The following RABGAP1 variants were observed in gnomAD, a reference collection of about 807,000 sequenced individuals.
The protein encoded by RABGAP1 is rab GTPase-activating protein 1.
RABGAP1 carries 23 observed loss-of-function variants against 137.6 expected under a neutral mutation model. The observed-to-expected ratio is 0.17, with a 90% CI of 0.12 to 0.24. The LOEUF is 0.24. Ranked by LOEUF, RABGAP1 falls within the 10% of genes least tolerant of loss-of-function variation. The pLI is 1.00. For missense variants in RABGAP1, 906 were observed against 1,275.8 expected, an observed-to-expected ratio of 0.71 and a Z score of 4.42; for synonymous variants, 451 against 450.7, an observed-to-expected ratio of 1.00 and a Z score of -0.01.
chr9:123,099,178 G>A (rs762728255), intron 23 of RABGAP1, among the ~76,000 whole-genome samples: 1 of 152,112 alleles, frequency 6.6e-6, no homozygotes, highest in Non-Finnish European at 1.5e-5. Context: ...ATAACAGAAT[G>A]GTCTTGTTCC....
At chr9:123,045,265 C>T (rs745753298) in intron 13 of RABGAP1, among the ~76,000 whole-genome samples, 2 of 152,046 alleles carry the variant, frequency 1.3e-5, no homozygotes, top group South Asian at 2.1e-4. Context: ...TCCAGAAAAA[C>T]GGAGGAAACC....
At position 122,967,735 on chromosome 9, in the gene RABGAP1, T is replaced by TC. The variant is rs397713994; in HGVS notation, c.150+10528dup. On this transcript the variant is annotated intron_variant, in intron 2 of 25. Coordinates refer to ENST00000373647, the MANE Select transcript of RABGAP1 (RefSeq NM_012197.4). Reference sequence around the variant, plus strand: ...TTTTGCTGTCTCATATGTCTTTTTTTCCTGAAAAAAATTTTTTTTTTTTTA... The same window carrying TC: ...TTTTGCTGTCTCATATGTCTTTTTTTCCCTGAAAAAAATTTTTTTTTTTTTA... Among the ~76,000 whole-genome samples, 481 of 151,234 alleles carry TC rather than the reference T, an allele frequency of 3.2e-3. 1 individual carries two copies. The highest frequency in any genetic ancestry group is 3.6e-3 in the Non-Finnish European group (246 of 67,770).
chr9:123,047,604 A>G (rs1050815672), intron 13 of RABGAP1, among the ~76,000 whole-genome samples: 3 of 152,078 alleles, frequency 2.0e-5, no homozygotes, highest in Admixed American at 6.6e-5. Context: ...TTGTTTTTTG[A>G]TACTTATTAA....
Position 123,073,599 on chromosome 9 carries a change from C to G in RABGAP1, c.2031C>G (p.Asp677Glu). ...GTGTTCTGGTCAAGATCATGTTTGA[C>G]TATGGGCTCAGGGAACTTTTCAAGC... Reference protein sequence around the residue: ...AFSVLVKIMFDYGLRELFKQN... With the variant: ...AFSVLVKIMFEYGLRELFKQN... Residue 677 changes from aspartate to glutamate, a missense_variant, in exon 16 of 26, where the codon GAC (aspartate) becomes GAG (glutamate). By Grantham distance (45) the Asp-to-Glu change is conservative. Around this residue, in one of 9 missense-constraint regions of RABGAP1, gnomAD observed 30 missense variants for 105.8 expected, o/e 0.28. Coordinates refer to ENST00000373647, the MANE Select transcript of RABGAP1 (RefSeq NM_012197.4). 1 of 1,613,870 alleles carries G rather than the reference C, an allele frequency of 6.2e-7. No homozygotes were observed. Among genetic ancestry groups the G allele is most frequent in the Non-Finnish European group, 8.5e-7 (1 of 1,179,812 alleles).
At chr9:123,049,321 T>A (rs2033358053) in intron 13 of RABGAP1, among the ~76,000 whole-genome samples, 1 of 152,092 alleles carries the variant, frequency 6.6e-6, no homozygotes, top group Admixed American at 6.6e-5. Flanking sequence ...GTTTTGTGTG[T>A]TTGGAGTAAG....
intron 15 of RABGAP1, among the ~76,000 whole-genome samples, chr9:123,072,360 G>A (rs571725853): frequency 5.3e-5 from 8 of 152,228 alleles, no homozygotes; most frequent in Admixed American, 1.3e-4. Context: ...GAATAAAGAG[G>A]TTGACTTTTT....
chr9:122,979,607 T>G (rs1835944937), intron 2 of RABGAP1, among the ~76,000 whole-genome samples: 1 of 152,240 alleles, frequency 6.6e-6, no homozygotes, highest in Admixed American at 6.5e-5. Flanking sequence ...ACACTTAGGT[T>G]TGTAATCCTT....
At chr9:123,072,615 T>C (rs1417029001) in intron 15 of RABGAP1, among the ~76,000 whole-genome samples, 1 of 152,200 alleles carries the variant, frequency 6.6e-6, no homozygotes, top group East Asian at 1.9e-4. Flanking sequence ...CCACATCTCC[T>C]TGCATGTGGC....
In RABGAP1 at chr9:122,964,274, C is replaced by T. The variant is rs149012993; in HGVS notation, c.150+7065C>T. On this transcript the variant is annotated intron_variant, in intron 2 of 25. Coordinates refer to ENST00000373647, the MANE Select transcript of RABGAP1 (RefSeq NM_012197.4). The stretch of plus-strand genomic sequence containing the variant: ...ACAAAGACATCAAAGGGAAACTGCA[C>T]ACCAGTGTCTTTAATGCATATGGAC... Among the ~76,000 whole-genome samples the T allele has an allele frequency of 3.7e-4, 56 of 152,300 alleles. No homozygotes were observed. The East Asian group carries it at 9.6e-3, about 26-fold the overall frequency.
At chr9:122,986,441 C>T (rs1020924099) in intron 4 of RABGAP1, 22 bp downstream of exon 4, 18 of 1,604,064 alleles carry the variant, frequency 1.1e-5, no homozygotes, top group Non-Finnish European at 1.4e-5. Flanking sequence ...TTGTTGAAAT[C>T]TTTCGATATT....
At chr9:123,089,165 C>G (rs1433267031) in intron 19 of RABGAP1, among the ~76,000 whole-genome samples, 1 of 152,026 alleles carries the variant, frequency 6.6e-6, no homozygotes, top group Non-Finnish European at 1.5e-5. Flanking sequence ...AGATAACTGT[C>G]TGTTTGAAAG....
chr9:123,074,240 G>A, intron 16 of RABGAP1, 45 bp from the exon 17 acceptor site: 1 of 1,608,590 alleles, frequency 6.2e-7, no homozygotes, highest in Non-Finnish European at 8.5e-7. Context: ...AGTGGGAATT[G>A]GACAGATGCA....
In RABGAP1 at chr9:123,034,299, G is replaced by A. The variant is rs149580578; in HGVS notation, c.1794+13840G>A. ...CCAGAGTTTACCTTGCTCCCCTGGT[G>A]CTATGTGTATGGTGAACCTGGCACT... On this transcript the variant is annotated intron_variant, in intron 13 of 25. Coordinates refer to ENST00000373647, the MANE Select transcript of RABGAP1 (RefSeq NM_012197.4). The A allele has an allele frequency of 8.3e-5, 41 of 492,298 alleles. 1 individual carries two copies. The East Asian group carries it at 1.3e-3, about 16-fold the overall frequency. The allele number at this position is 492,298 out of a possible 1,614,324, so 30.5% of individuals were successfully genotyped here.
At chr9:123,093,181 T>G (rs1389577600) in intron 21 of RABGAP1, among the ~76,000 whole-genome samples, 1 of 152,216 alleles carries the variant, frequency 6.6e-6, no homozygotes, top group Non-Finnish European at 1.5e-5. Flanking sequence ...GTGTGAGGCT[T>G]TAAAATTTCC....
chr9:122,982,586 A>G (rs1168426238), intron 2 of RABGAP1, among the ~76,000 whole-genome samples: 1 of 152,126 alleles, frequency 6.6e-6, no homozygotes, highest in Non-Finnish European at 1.5e-5. Context: ...GTATAACTCT[A>G]TTCCTATATG....
intron 13 of RABGAP1, among the ~76,000 whole-genome samples, chr9:123,057,888 CAA>C (rs1188867640): frequency 6.6e-6 from 1 of 152,128 alleles, no homozygotes; most frequent in Non-Finnish European, 1.5e-5. Context: ...CCGTCTCCAC[CAA>C]AAAAATACGA....
chr9:122,990,258 G>C (rs1398015168), intron 6 of RABGAP1, 45 bp downstream of exon 6: 1 of 1,488,664 alleles, frequency 6.7e-7, no homozygotes, highest in East Asian at 2.4e-5. Flanking sequence ...CTGTGGTTCA[G>C]GGGAAATTCT....
intron 7 of RABGAP1, 64 bp from the exon 8 acceptor site, chr9:122,996,475 C>T (rs911071861): frequency 2.1e-6 from 3 of 1,446,460 alleles, no homozygotes; most frequent in African/African-American, 1.4e-5. Flanking sequence ...TTTAAAGTGG[C>T]CTAATTTAAA....
chr9:123,064,749 T>C (rs1564172211), intron 13 of RABGAP1, among the ~76,000 whole-genome samples: 1 of 152,242 alleles, frequency 6.6e-6, no homozygotes, highest in Non-Finnish European at 1.5e-5. Context: ...TAACTCATTA[T>C]AGAAGAGGAA....
Sources: gnomAD v4.1 joint callset for allele counts (sites outside exome capture counted in the v4.1 genomes callset) on GRCh38, gnomAD v4.1.1 for gene constraint, gnomAD v4.1.1 regional missense constraint, MANE v1.5 for transcripts, NCBI Gene and HGNC (gene_info 2026-07-23, HGNC 2026-07-21) for gene names.